The following SEMA3A variants were observed in gnomAD, a reference collection of about 807,000 sequenced individuals.
The protein encoded by SEMA3A is semaphorin-3A.
Under a neutral mutation model 97.9 loss-of-function variants are expected in SEMA3A, and 29 were observed. The observed-to-expected ratio is 0.30, with a 90% CI of 0.22 to 0.40. The LOEUF (loss-of-function observed/expected upper bound fraction) is 0.40. SEMA3A is among the 10% of genes least tolerant of loss of function. SEMA3A has a pLI of 1.00. For synonymous variants in SEMA3A, 321 were observed against 323.7 expected (o/e 0.99, Z 0.09); for missense variants, 763 against 951.3 (o/e 0.80, Z 2.60).
intron 6 of SEMA3A, among the ~76,000 whole-genome samples, chr7:84,029,810 TACACAC>T (rs34158057): frequency 1.9e-4 from 22 of 116,784 alleles, no homozygotes; most frequent in African/African-American, 4.9e-4. Context: ...CCCTTCCATA[TACACAC>T]ACACACACAC....
chr7:84,465,032 A>G (rs530141794), intron 1 of SEMA3A, among the ~76,000 whole-genome samples: 6 of 152,180 alleles, frequency 3.9e-5, no homozygotes, highest in Non-Finnish European at 7.4e-5. Flanking sequence ...GTATGGCCCC[A>G]AAAGATAAAA....
chr7:84,312,752 C>A (rs148235395), intron 2 of SEMA3A, among the ~76,000 whole-genome samples: 3,477 of 140,740 alleles, frequency 0.025, 55 homozygotes, highest in Non-Finnish European at 0.036. Flanking sequence ...TTTAATTAGG[C>A]CTAATTAAAT....
At chr7:84,107,709 G>A (rs187202552) in intron 4 of SEMA3A, among the ~76,000 whole-genome samples, 121 of 152,278 alleles carry the variant, frequency 7.9e-4, no homozygotes, top group African/African-American at 2.2e-3. Context: ...CAGCAGCAAT[G>A]AGTAGTTGAT....
rs1788273360 is a variant in SEMA3A, at chr7:83,956,071, T to G, written c.*5300A>C. On this transcript the variant is annotated 3_prime_UTR_variant, in exon 17 of 17. Transcript: ENST00000265362. ...GTGGGTCTCATTTTTTAAAAAACTTTTTTGGTTTGTTTGTTTAAAATAATA... is the reference window on the plus strand; with the variant it reads ...GTGGGTCTCATTTTTTAAAAAACTTGTTTGGTTTGTTTGTTTAAAATAATA... 1 of 152,164 alleles carries G rather than the reference T, an allele frequency of 6.6e-6. No homozygotes were observed. Among genetic ancestry groups the G allele is most frequent in the Admixed American group, 6.5e-5 (1 of 15,274 alleles). The allele number at this position is 152,164 out of a possible 1,614,324, so 9.4% of individuals were successfully genotyped here. A position where few individuals can be genotyped will look rare whatever the true frequency, so the allele number is the denominator to read the frequency against.
chr7:84,359,825 TG>T (rs1802664543), intron 2 of SEMA3A, among the ~76,000 whole-genome samples: 1 of 152,168 alleles, frequency 6.6e-6, no homozygotes, highest in Non-Finnish European at 1.5e-5. Flanking sequence ...AGCCTGTTAT[TG>T]GTCTATTCAG....
intron 1 of SEMA3A, among the ~76,000 whole-genome samples, chr7:84,461,297 T>G (rs1186844018): frequency 6.6e-6 from 1 of 152,146 alleles, no homozygotes; most frequent in Non-Finnish European, 1.5e-5. Context: ...TTCAGTGATA[T>G]CCAATGAACG....
chr7:84,047,296 A>C, intron 5 of SEMA3A, among the ~76,000 whole-genome samples: 1 of 152,052 alleles, frequency 6.6e-6, no homozygotes, highest in East Asian at 1.9e-4. Context: ...AAGAGAAGTT[A>C]ATATTTACTG....
At chr7:84,247,851 T>A (rs548504453) in intron 3 of SEMA3A, among the ~76,000 whole-genome samples, 1 of 152,302 alleles carries the variant, frequency 6.6e-6, no homozygotes, top group African/African-American at 2.4e-5. Flanking sequence ...CAGACAGTGA[T>A]GACTCAGTGT....
At chr7:84,313,360 A>ATC (rs1433641962) in intron 2 of SEMA3A, among the ~76,000 whole-genome samples, 1 of 8,734 alleles carries the variant, frequency 1.1e-4, no homozygotes, top group African/African-American at 1.9e-4. Flanking sequence ...GTGTGTGTAT[A>ATC]TATATATATA....
rs1788387053 is a variant in SEMA3A at position 83,959,567 on chromosome 7, A to G, written c.*1804T>C. ...CAAGTGGCAACAACTTGTTTATTCA[A>G]GGCAGTCATTAAAACTGAAACATGA... On this transcript the variant is annotated 3_prime_UTR_variant, in exon 17 of 17. Coordinates refer to ENST00000265362, the MANE Select transcript of SEMA3A (RefSeq NM_006080.3). The G allele has an allele frequency of 6.6e-6, 1 of 152,068 alleles. No individual in the cohort carries two copies. The highest frequency in any genetic ancestry group is 2.4e-5 in the African/African-American group (1 of 41,442). 9.4% of individuals were successfully genotyped at this position (152,068 alleles called of 1,614,324 possible). A position where few individuals can be genotyped will look rare whatever the true frequency, so the allele number is the denominator to read the frequency against.
At chr7:84,238,737 C>T (rs1420131214) in intron 3 of SEMA3A, among the ~76,000 whole-genome samples, 8 of 149,774 alleles carry the variant, frequency 5.3e-5, no homozygotes, top group African/African-American at 1.5e-4. Context: ...TTTTTTGATA[C>T]GGAGTCACGC....
chr7:84,102,534 AG>A (rs1258644090), intron 4 of SEMA3A, among the ~76,000 whole-genome samples: 1 of 148,304 alleles, frequency 6.7e-6, no homozygotes, highest in Non-Finnish European at 1.5e-5. Context: ...CTATAAAATT[AG>A]GGCAAGGAGA....
intron 3 of SEMA3A, among the ~76,000 whole-genome samples, chr7:84,297,126 C>T (rs548796325): frequency 2.6e-5 from 4 of 152,080 alleles, no homozygotes; most frequent in African/African-American, 7.2e-5. Flanking sequence ...TACAGGCATG[C>T]GCCACCATGC....
chr7:84,282,096 G>T (rs1333570888), intron 3 of SEMA3A, among the ~76,000 whole-genome samples: 1 of 152,080 alleles, frequency 6.6e-6, no homozygotes, highest in African/African-American at 2.4e-5. Flanking sequence ...CACTGACAAA[G>T]ATGATGTATA....
At chr7:84,453,593 G>A (rs1208475568) in intron 1 of SEMA3A, among the ~76,000 whole-genome samples, 1 of 152,114 alleles carries the variant, frequency 6.6e-6, no homozygotes, top group Non-Finnish European at 1.5e-5. Context: ...ACAGTGAAAT[G>A]CTACTTTCTT....
In SEMA3A at chr7:84,114,508, G is replaced by T. The variant is rs140081502; in HGVS notation, c.334-3919C>A. 1.5e-3 allele frequency among the ~76,000 whole-genome samples: 223 copies of T among 152,224 alleles called. 2 individuals are homozygous for T. In the East Asian group the frequency reaches 0.034, roughly 23 times the overall value. ...ATAGTTTGTGTAGAAATATTTTGGT[G>T]CATAATCTAGCAGCTGGGAAAGCAA... On this transcript the variant is annotated intron_variant, in intron 3 of 16. Coordinates refer to ENST00000265362, the MANE Select transcript of SEMA3A (RefSeq NM_006080.3).
At chr7:84,054,783 C>A (rs1452182128) in intron 5 of SEMA3A, among the ~76,000 whole-genome samples, 2 of 146,870 alleles carry the variant, frequency 1.4e-5, no homozygotes, top group Non-Finnish European at 3.0e-5. Flanking sequence ...AGGCGCTCTG[C>A]TTTTTAGAGT....
intron 9 of SEMA3A, among the ~76,000 whole-genome samples, 171 bp from the exon 10 acceptor site, chr7:84,007,668 A>T (rs1790722660): frequency 6.6e-6 from 1 of 152,222 alleles, no homozygotes; most frequent in South Asian, 2.1e-4. Context: ...AACAATACAC[A>T]AAAGAACAAA....
At chr7:84,243,819 A>C (rs991276169) in intron 3 of SEMA3A, among the ~76,000 whole-genome samples, 2 of 152,140 alleles carry the variant, frequency 1.3e-5, no homozygotes, top group Non-Finnish European at 2.9e-5. Context: ...CATTGGTTTC[A>C]AAGAACTTAT....
Sources: allele counts gnomAD v4.1 joint callset (sites outside exome capture counted in the v4.1 genomes callset), GRCh38; gene constraint gnomAD v4.1.1; transcripts MANE v1.5; gene names NCBI Gene and HGNC (gene_info 2026-07-23, HGNC 2026-07-21).